ENTHD1: variants seen among roughly 807,000 people sequenced by gnomAD.
ENTHD1 encodes the protein ENTH domain-containing protein 1.
In ENTHD1, 23 loss-of-function variants were observed where a neutral mutation model predicts 39.1. The ratio of observed to expected loss-of-function variants is 0.59; its 90% confidence interval spans 0.42 to 0.83. The LOEUF (loss-of-function observed/expected upper bound fraction) is 0.83, where lower values mean the gene tolerates loss of function less well. Ranked by LOEUF, ENTHD1 falls within the 40% of genes least tolerant of loss-of-function variation. ENTHD1 has a pLI of 0.00. For missense variants in ENTHD1, 624 were observed against 705.4 expected, an observed-to-expected ratio of 0.88 and a Z score of 1.31; for synonymous variants, 230 against 258.2, an observed-to-expected ratio of 0.89 and a Z score of 1.05.
At chr22:39,772,318 T>C (rs190775901) in intron 5 of ENTHD1, among the ~76,000 whole-genome samples, 2 of 152,300 alleles carry the variant, frequency 1.3e-5, no homozygotes, top group Admixed American at 1.3e-4. Flanking sequence ...GCTTCTCACC[T>C]CCTGCTGTGC....
At chr22:39,816,200 A>C (rs2065732442) in intron 5 of ENTHD1, among the ~76,000 whole-genome samples, 1 of 152,332 alleles carries the variant, frequency 6.6e-6, no homozygotes, top group Middle Eastern at 3.4e-3. Flanking sequence ...TGAAGTTGCC[A>C]AAATCATAAC....
intron 5 of ENTHD1, among the ~76,000 whole-genome samples, chr22:39,781,557 G>C (rs1187368302): frequency 6.6e-6 from 1 of 152,024 alleles, no homozygotes; most frequent in Non-Finnish European, 1.5e-5. Context: ...CATCAAAAAA[G>C]TAGGAAGACT....
At chr22:39,759,367 T>C (rs1002088772) in intron 6 of ENTHD1, among the ~76,000 whole-genome samples, 2 of 152,136 alleles carry the variant, frequency 1.3e-5, no homozygotes, top group Non-Finnish European at 2.9e-5. Flanking sequence ...AGTTGTCTTA[T>C]CCATTTCAAC....
In ENTHD1 at chr22:39,821,000, C is replaced by G. The variant is rs775761712; in HGVS notation, c.825G>C (p.Ser275=). ...ATTCCTTAACCAATTTACCTGCACC[C>G]GAAAGATTACAAACTTCTTCTGCTT... is the stretch of plus-strand genomic sequence containing the variant. ...LSEAEEVCNL[S]GADAVPTLSE... is the part of the protein sequence containing the mutation. Residue 275 remains serine (S), a synonymous_variant, in exon 5 of 7, where the codon TCG becomes TCC. Transcript: ENST00000325157. The G allele has an allele frequency of 1.9e-6, 3 of 1,613,702 alleles. No homozygotes were observed. Among genetic ancestry groups the G allele is most frequent in the African/African-American group, 1.3e-5 (1 of 74,878 alleles).
chr22:39,799,909 G>C (rs1471424361), intron 5 of ENTHD1, among the ~76,000 whole-genome samples: 1 of 152,184 alleles, frequency 6.6e-6, no homozygotes, highest in Admixed American at 6.5e-5. Context: ...CCCAGGATGT[G>C]GAGATGCAGG....
intron 3 of ENTHD1, among the ~76,000 whole-genome samples, chr22:39,860,377 T>C (rs527350751): frequency 7.2e-5 from 11 of 152,356 alleles, no homozygotes; most frequent in African/African-American, 2.6e-4. Context: ...ATCAGTTTGA[T>C]TTAAAGGCTC....
chr22:39,772,618 G>C (rs1193658571), intron 5 of ENTHD1, among the ~76,000 whole-genome samples: 1 of 152,130 alleles, frequency 6.6e-6, no homozygotes, highest in Non-Finnish European at 1.5e-5. Flanking sequence ...CAAGGAGAAA[G>C]TAATAGAAAA....
At chr22:39,845,208 T>C (rs1601635861) in intron 3 of ENTHD1, among the ~76,000 whole-genome samples, 1 of 152,282 alleles carries the variant, frequency 6.6e-6, no homozygotes, top group East Asian at 1.9e-4. Context: ...GCTGACTCTG[T>C]ATTAGCCCAT....
chr22:39,878,141 A>G (rs1318264371), intron 2 of ENTHD1, among the ~76,000 whole-genome samples: 1 of 152,218 alleles, frequency 6.6e-6, no homozygotes, highest in Non-Finnish European at 1.5e-5. Flanking sequence ...CTAGCGATCA[A>G]AAATATTGTA....
At chr22:39,884,823 C>T (rs1402313970) in intron 2 of ENTHD1, among the ~76,000 whole-genome samples, 1 of 152,188 alleles carries the variant, frequency 6.6e-6, no homozygotes, top group Non-Finnish European at 1.5e-5. Flanking sequence ...TGAAGTTAAA[C>T]TTCACAGCAC....
chr22:39,793,958 C>T (rs1014313677), intron 5 of ENTHD1, among the ~76,000 whole-genome samples: 1 of 152,134 alleles, frequency 6.6e-6, no homozygotes, highest in Non-Finnish European at 1.5e-5. Flanking sequence ...TGTTTGGTTT[C>T]ATGTGATTTT....
intron 3 of ENTHD1, among the ~76,000 whole-genome samples, chr22:39,857,356 T>A (rs1007570921): frequency 6.9e-6 from 1 of 144,814 alleles, no homozygotes; most frequent in Non-Finnish European, 1.5e-5. Flanking sequence ...GGCAGGAGAA[T>A]CGCCTGAACC....
intron 6 of ENTHD1, 23 bp downstream of exon 6, chr22:39,765,199 TG>T (rs2065265800): frequency 1.9e-6 from 3 of 1,557,180 alleles, no homozygotes; most frequent in Non-Finnish European, 2.6e-6. Flanking sequence ...TGTGTGTGTG[TG>T]TGTGTGTGTT....
intron 2 of ENTHD1, among the ~76,000 whole-genome samples, chr22:39,863,524 C>T (rs762025989): frequency 6.6e-6 from 1 of 152,150 alleles, no homozygotes; most frequent in Non-Finnish European, 1.5e-5. Flanking sequence ...GTTGAATTCC[C>T]AGATACAAAG....
chr22:39,837,385 C>T (rs771718996), intron 3 of ENTHD1, among the ~76,000 whole-genome samples: 32 of 152,252 alleles, frequency 2.1e-4, no homozygotes, highest in Admixed American at 3.3e-4. Flanking sequence ...TAGTTCTTTC[C>T]CCTTTCCCTC....
At chr22:39,833,110 A>C (rs745890548) in intron 4 of ENTHD1, among the ~76,000 whole-genome samples, 1 of 152,068 alleles carries the variant, frequency 6.6e-6, no homozygotes, top group African/African-American at 2.4e-5. Context: ...GTCTCCCCCT[A>C]AGGCTACTTC....
At chr22:39,745,848 C>T (rs1373320908) in intron 6 of ENTHD1, among the ~76,000 whole-genome samples, 3 of 152,192 alleles carry the variant, frequency 2.0e-5, no homozygotes, top group Non-Finnish European at 4.4e-5. Flanking sequence ...TTGAAGGCCA[C>T]ATTTCACTGT....
chr22:39,807,063 T>G (rs191510640), intron 5 of ENTHD1, among the ~76,000 whole-genome samples: 3 of 152,276 alleles, frequency 2.0e-5, no homozygotes, highest in Non-Finnish European at 4.4e-5. Flanking sequence ...ACTAAGTTGT[T>G]AGAACTTTAT....
chr22:39,761,040 C>A (rs1004014184), intron 6 of ENTHD1, among the ~76,000 whole-genome samples: 4 of 152,020 alleles, frequency 2.6e-5, no homozygotes, highest in Non-Finnish European at 5.9e-5. Flanking sequence ...TTTATAATTT[C>A]CAGTGCTCAT....
Sources: allele counts gnomAD v4.1 joint callset (sites outside exome capture counted in the v4.1 genomes callset), GRCh38; gene constraint gnomAD v4.1.1; transcripts MANE v1.5; gene names NCBI Gene and HGNC (gene_info 2026-07-23, HGNC 2026-07-21).